Variants in ELP4 observed in about 807,000 individuals in gnomAD.
ELP4 encodes the protein elongator complex protein 4.
ELP4 carries 51 observed loss-of-function variants against 48.9 expected under a neutral mutation model. The ratio of observed to expected loss-of-function variants is 1.04; its 90% CI spans 0.83 to 1.32. The LOEUF is 1.32. ELP4 is among the 40% of genes most tolerant of loss of function. ELP4 has a pLI of 0.00. For synonymous variants in ELP4, 210 were observed against 189.2 expected, an observed-to-expected ratio of 1.11 and a Z score of -0.90; for missense variants, 519 against 514.6, an observed-to-expected ratio of 1.01 and a Z score of -0.08.
At chr11:31,726,435 A>G (rs1447420182) in intron 9 of ELP4, among the ~76,000 whole-genome samples, 1 of 152,200 alleles carries the variant, frequency 6.6e-6, no homozygotes, top group East Asian at 1.9e-4. Context: ...GGGAGACTGT[A>G]AGCAATATTG....
chr11:31,509,782 A>G lies in ELP4; in HGVS notation c.-3A>G. 1 of 1,613,932 alleles carries G rather than the reference A, an allele frequency of 6.2e-7. No individual in the cohort carries two copies. The highest frequency in any genetic ancestry group is 1.7e-5 in the Admixed American group (1 of 60,030). On this transcript the variant is annotated 5_prime_UTR_variant, in exon 1 of 10. Coordinates refer to ENST00000640961, the MANE Select transcript of ELP4 (RefSeq NM_019040.5). Reference sequence around the variant, plus strand: ...CTATTGGGTTAACACTGGAGGCTCTAAGATGGCGGCAGTGGCAACCTGCGG... The same window carrying G: ...CTATTGGGTTAACACTGGAGGCTCTGAGATGGCGGCAGTGGCAACCTGCGG...
chr11:31,702,000 G>A (rs1946533747), intron 9 of ELP4, among the ~76,000 whole-genome samples: 1 of 152,028 alleles, frequency 6.6e-6, no homozygotes, highest in Non-Finnish European at 1.5e-5. Flanking sequence ...TTATGTTTCT[G>A]ACTGTCCTTT....
intron 9 of ELP4, among the ~76,000 whole-genome samples, chr11:31,752,559 G>T (rs372658439): frequency 1.6e-4 from 25 of 152,238 alleles, no homozygotes; most frequent in African/African-American, 5.8e-4. Context: ...GGAAGGCCGG[G>T]TGCGGTGGCT....
chr11:31,692,181 AG>A (rs1946295513), intron 9 of ELP4, among the ~76,000 whole-genome samples: 1 of 152,192 alleles, frequency 6.6e-6, no homozygotes, highest in Admixed American at 6.6e-5. Context: ...GAAGGAATCC[AG>A]GGCTGTCAAG....
intron 2 of ELP4, among the ~76,000 whole-genome samples, chr11:31,537,402 C>CT (rs34711735): frequency 0.39 from 59,119 of 152,074 alleles, 15,050 homozygotes; most frequent in African/African-American, 0.72. Context: ...ATTGCTGTAG[C>CT]TTATAGTAAG....
intron 3 of ELP4, among the ~76,000 whole-genome samples, chr11:31,571,967 A>T (rs1957199866): frequency 6.6e-6 from 1 of 152,206 alleles, no homozygotes. Flanking sequence ...TTTTGGAATG[A>T]TAAGTGAGTA....
At chr11:31,761,663 C>G (rs998727472) in intron 9 of ELP4, among the ~76,000 whole-genome samples, 1 of 152,070 alleles carries the variant, frequency 6.6e-6, no homozygotes, top group East Asian at 1.9e-4. Context: ...GAAATGAGAA[C>G]ATAAGTTCAT....
intron 1 of ELP4, among the ~76,000 whole-genome samples, chr11:31,517,454 G>T (rs1041642974): frequency 6.6e-6 from 1 of 152,150 alleles, no homozygotes; most frequent in African/African-American, 2.4e-5. Context: ...GTGAGCCACC[G>T]TGCCCAACCT....
intron 3 of ELP4, among the ~76,000 whole-genome samples, chr11:31,575,719 C>A (rs10835789): frequency 0.39 from 59,105 of 151,976 alleles, 15,054 homozygotes; most frequent in African/African-American, 0.72. Context: ...GAAATAAAAT[C>A]CTTTACAGAC....
intron 9 of ELP4, among the ~76,000 whole-genome samples, chr11:31,772,822 C>T (rs1397498425): frequency 1.3e-5 from 2 of 152,192 alleles, no homozygotes; most frequent in African/African-American, 2.4e-5. Flanking sequence ...AATTATCAAT[C>T]TCTGCCATAA....
At chr11:31,569,905 G>A (rs1356617240) in intron 3 of ELP4, among the ~76,000 whole-genome samples, 1 of 152,186 alleles carries the variant, frequency 6.6e-6, no homozygotes, top group Non-Finnish European at 1.5e-5. Flanking sequence ...CTTATACACT[G>A]TTGGTGGGAA....
chr11:31,749,637 T>C (rs1947673290), intron 9 of ELP4, among the ~76,000 whole-genome samples: 1 of 152,126 alleles, frequency 6.6e-6, no homozygotes. Flanking sequence ...GTATTTAAAC[T>C]AAGTCTCTGT....
chr11:31,665,400 C>T (rs968172722), intron 9 of ELP4, among the ~76,000 whole-genome samples: 2 of 152,042 alleles, frequency 1.3e-5, no homozygotes, highest in African/African-American at 4.8e-5. Context: ...TCCTTTTGTA[C>T]TATGAAGCTT....
At chr11:31,770,315 G>A (rs765517434) in intron 9 of ELP4, among the ~76,000 whole-genome samples, 2 of 152,096 alleles carry the variant, frequency 1.3e-5, no homozygotes, top group Admixed American at 6.5e-5. Context: ...TCAAGTAACC[G>A]ATTTAGACAA....
intron 9 of ELP4, among the ~76,000 whole-genome samples, chr11:31,713,455 A>C (rs1217764883): frequency 4.6e-5 from 7 of 152,196 alleles, no homozygotes; most frequent in Non-Finnish European, 1.0e-4. Flanking sequence ...TAATGATTAT[A>C]CAAACAATTG....
chr11:31,580,655 TTTC>T (rs924919469), intron 3 of ELP4: 11 of 154,922 alleles, frequency 7.1e-5, no homozygotes, highest in African/African-American at 2.7e-4. Flanking sequence ...CCTATATAAC[TTTC>T]TTCTTTTGTT....
At chr11:31,555,056 G>T (rs1452825248) in intron 3 of ELP4, among the ~76,000 whole-genome samples, 1 of 152,044 alleles carries the variant, frequency 6.6e-6, no homozygotes, top group Admixed American at 6.6e-5. Flanking sequence ...TAGTCAAAGC[G>T]CCTGTATGCT....
intron 9 of ELP4, among the ~76,000 whole-genome samples, chr11:31,678,272 C>A (rs888958840): frequency 3.9e-5 from 6 of 151,914 alleles, no homozygotes; most frequent in Admixed American, 1.3e-4. Context: ...CAAAATGAGA[C>A]CCCTGTCTCT....
chr11:31,631,830 A>G (rs1944868057), intron 6 of ELP4, among the ~76,000 whole-genome samples: 1 of 152,164 alleles, frequency 6.6e-6, no homozygotes, highest in Non-Finnish European at 1.5e-5. Flanking sequence ...TGAACAATTT[A>G]TAGTTTACTG....
Sources: allele counts gnomAD v4.1 joint callset (sites outside exome capture counted in the v4.1 genomes callset), GRCh38; gene constraint gnomAD v4.1.1; transcripts MANE v1.5; gene names NCBI Gene and HGNC (gene_info 2026-07-23, HGNC 2026-07-21).